The following DDX46 variants were observed in gnomAD, a reference collection of about 807,000 sequenced individuals.
DDX46 encodes DEAD-box helicase 46, also known as probable ATP-dependent RNA helicase DDX46.
Under a neutral mutation model 134.9 loss-of-function variants are expected in DDX46, and 30 were observed. The ratio of observed to expected loss-of-function variants is 0.22; its 90% CI spans 0.17 to 0.30. The LOEUF is 0.30. DDX46 is among the 10% of genes least tolerant of loss of function. DDX46 has a pLI of 1.00. For synonymous variants in DDX46, 415 were observed against 404.1 expected, an observed-to-expected ratio of 1.03 and a Z score of -0.32; for missense variants, 622 against 1,248.7, an observed-to-expected ratio of 0.50 and a Z score of 7.56.
In DDX46 at chr5:134,785,593, A is replaced by T. The variant is rs1051824722; in HGVS notation, c.1464+7A>T. ...AACAGGAATCAGTGAGCAGGTAGTT[A>T]TATAAGAAACATTCATGTTTTCCAT... On this transcript the variant is annotated splice_region_variant and intron_variant, in intron 11 of 22. Coordinates refer to ENST00000452510, the MANE Select transcript of DDX46 (RefSeq NM_001300860.2). 6.3e-7 allele frequency: 1 copy of T among 1,598,000 alleles called. No individual in the cohort carries two copies. Among genetic ancestry groups the T allele is most frequent in the African/African-American group, 1.3e-5 (1 of 74,098 alleles).
intron 22 of DDX46, among the ~76,000 whole-genome samples, chr5:134,827,850 G>T (rs1364978000): frequency 6.6e-6 from 1 of 152,046 alleles, no homozygotes; most frequent in East Asian, 1.9e-4. Flanking sequence ...TTCCATGTGC[G>T]TTTGGTATAT....
In DDX46 at chr5:134,828,747, G is replaced by T. The variant is rs373680946; in HGVS notation, c.*41G>T. On this transcript the variant is annotated 3_prime_UTR_variant, in exon 23 of 23. Coordinates refer to ENST00000452510, the MANE Select transcript of DDX46 (RefSeq NM_001300860.2). The stretch of plus-strand genomic sequence containing the variant: ...ATTTTTACCTGTGCTGGTCTATGAT[G>T]TATGTGGCAGTTGCTGTCTGCAGTT... The T allele has an allele frequency of 4.9e-5, 65 of 1,340,100 alleles. No individual in the cohort carries two copies. In the African/African-American group the frequency reaches 7.7e-4, roughly 16 times the overall value. 83.0% of individuals were successfully genotyped at this position (1,340,100 alleles called of 1,614,324 possible).
intron 13 of DDX46, among the ~76,000 whole-genome samples, chr5:134,791,741 C>A (rs1754509600): frequency 6.6e-6 from 1 of 152,108 alleles, no homozygotes; most frequent in Admixed American, 6.5e-5. Context: ...ATGTACTCTC[C>A]AAAAATTTAT....
At position 134,796,128 on chromosome 5, in the gene DDX46, T is replaced by C. The variant is rs1754646965; in HGVS notation, c.1932T>C (p.Tyr644=). Residue 644 remains tyrosine (Y), a synonymous_variant, in exon 15 of 23, where the codon TAT becomes TAC. Coordinates refer to ENST00000452510, the MANE Select transcript of DDX46 (RefSeq NM_001300860.2). ...TTAAGGATTTAATGAGAGCATCTTA[T>C]CCTTGCATGTCTCTTCATGGAGGTA... ...GLLKDLMRAS[Y]PCMSLHGGID... The C allele has an allele frequency of 3.1e-6, 5 of 1,613,188 alleles. No homozygotes were observed. Among genetic ancestry groups the C allele is most frequent in the East Asian group, 2.2e-5 (1 of 44,806 alleles).
At chr5:134,815,736 A>G (rs1755272863) in intron 18 of DDX46, among the ~76,000 whole-genome samples, 1 of 150,894 alleles carries the variant, frequency 6.6e-6, no homozygotes. Context: ...AAAAAAAGAA[A>G]TGCACCTAGC....
At chr5:134,793,385 A>G (rs773526428) in intron 13 of DDX46, among the ~76,000 whole-genome samples, 3 of 152,098 alleles carry the variant, frequency 2.0e-5, no homozygotes, top group Non-Finnish European at 4.4e-5. Context: ...ATGATTCTGT[A>G]TTGAAAATAG....
At chr5:134,816,629 C>T (rs1318521645) in intron 19 of DDX46, 23 bp downstream of exon 19, 4 of 1,599,814 alleles carry the variant, frequency 2.5e-6, no homozygotes, top group Non-Finnish European at 3.4e-6. Flanking sequence ...TTCCAAGTCT[C>T]AGTCAATACT....
intron 20 of DDX46, 29 bp downstream of exon 20, chr5:134,817,743 T>C: frequency 6.3e-7 from 1 of 1,583,004 alleles, no homozygotes; most frequent in Admixed American, 1.8e-5. Context: ...CCTTTTTTTA[T>C]TGTGAAGTAG....
At chr5:134,825,102 C>T (rs935305609) in intron 21 of DDX46, among the ~76,000 whole-genome samples, 2 of 152,234 alleles carry the variant, frequency 1.3e-5, no homozygotes, top group East Asian at 1.9e-4. Flanking sequence ...TCCAAATTGT[C>T]GGGCTCTGAT....
At chr5:134,806,686 G>T (rs1307489497) in intron 15 of DDX46, among the ~76,000 whole-genome samples, 1 of 151,992 alleles carries the variant, frequency 6.6e-6, no homozygotes, top group Non-Finnish European at 1.5e-5. Flanking sequence ...ATTAATATTG[G>T]TAATTATTTA....
chr5:134,818,686 G>C (rs1206012043), intron 20 of DDX46, among the ~76,000 whole-genome samples, 174 bp from the exon 21 acceptor site: 1 of 147,202 alleles, frequency 6.8e-6, no homozygotes, highest in African/African-American at 2.5e-5. Context: ...TGGGCAAAAA[G>C]AGCGAAAACT....
intron 4 of DDX46, among the ~76,000 whole-genome samples, chr5:134,772,912 C>G (rs1400091106): frequency 3.3e-5 from 5 of 152,268 alleles, no homozygotes; most frequent in African/African-American, 1.2e-4. Context: ...AGCAATTCTC[C>G]TGCTTCAGCC....
chr5:134,818,735 G>T (rs1454326751), intron 20 of DDX46, 125 bp from the exon 21 acceptor site: 4 of 515,006 alleles, frequency 7.8e-6, no homozygotes, highest in African/African-American at 6.1e-5. Flanking sequence ...ATATATATAT[G>T]GAGAGAGAGA....
At chr5:134,793,156 C>T (rs564270117) in intron 13 of DDX46, among the ~76,000 whole-genome samples, 3 of 151,644 alleles carry the variant, frequency 2.0e-5, no homozygotes, top group Non-Finnish European at 4.4e-5. Flanking sequence ...GACCGTGTCT[C>T]AAGAAAAAAG....
chr5:134,816,699 G>T (rs1030092791), intron 19 of DDX46, 93 bp downstream of exon 19: 1 of 1,229,892 alleles, frequency 8.1e-7, no homozygotes, highest in Non-Finnish European at 1.1e-6. Flanking sequence ...TAAACAAGTT[G>T]TCCTAGACAT....
At chr5:134,764,715 A>G (rs959964482) in intron 2 of DDX46, among the ~76,000 whole-genome samples, 3 of 152,148 alleles carry the variant, frequency 2.0e-5, no homozygotes, top group Admixed American at 6.6e-5. Flanking sequence ...AGAGGGTTCT[A>G]TTCCAATTCT....
chr5:134,817,847 G>A, intron 20 of DDX46, 133 bp downstream of exon 20: 1 of 745,742 alleles, frequency 1.3e-6, no homozygotes, highest in Non-Finnish European at 2.1e-6. Flanking sequence ...TATAACAATA[G>A]AAATTTGATT....
intron 21 of DDX46, among the ~76,000 whole-genome samples, chr5:134,820,834 T>C (rs1016704330): frequency 2.6e-5 from 4 of 151,974 alleles, no homozygotes; most frequent in African/African-American, 9.7e-5. Context: ...ACTGCCTTTT[T>C]TGTGTTAGAG....
At chr5:134,810,143 G>C (rs1033588761) in intron 16 of DDX46, among the ~76,000 whole-genome samples, 1 of 151,804 alleles carries the variant, frequency 6.6e-6, no homozygotes, top group Non-Finnish European at 1.5e-5. Context: ...CAACTCCTAG[G>C]CTCAAGCTAT....
Sources: gnomAD v4.1 joint callset for allele counts (sites outside exome capture counted in the v4.1 genomes callset) on GRCh38, gnomAD v4.1.1 for gene constraint, MANE v1.5 for transcripts, NCBI Gene and HGNC (gene_info 2026-07-23, HGNC 2026-07-21) for gene names.